CHL1: variants seen among roughly 807,000 people sequenced by gnomAD.
CHL1 encodes the protein cell adhesion molecule L1 like.
A neutral mutation model predicts 141.9 loss-of-function variants in CHL1; 96 were observed. That is an observed-to-expected ratio of 0.68 (90% CI 0.57 to 0.80). CHL1 has a LOEUF of 0.80. Ranked by LOEUF, CHL1 falls within the 30% of genes least tolerant of loss-of-function variation. The probability of loss-of-function intolerance (pLI) is 0.00; values close to 1 mark genes in which losing one functional copy is unlikely to be tolerated. For synonymous variants in CHL1, 613 were observed against 502.2 expected (o/e 1.22, Z -2.95); for missense variants, 1,820 against 1,457.2 (o/e 1.25, Z -4.05).
chr3:402,042 A>AACC (rs1559364702), intron 27 of CHL1, among the ~76,000 whole-genome samples: 24 of 152,360 alleles, frequency 1.6e-4, no homozygotes, highest in African/African-American at 3.4e-4. Flanking sequence ...CCACACACGC[A>AACC]TATCTGTATA....
At chr3:269,674 C>T (rs1053717961) in intron 2 of CHL1, among the ~76,000 whole-genome samples, 24 of 152,264 alleles carry the variant, frequency 1.6e-4, no homozygotes, top group African/African-American at 4.6e-4. Context: ...TACAGGCATG[C>T]GCCACTATGC....
chr3:294,000 G>A (rs771284837), intron 2 of CHL1, among the ~76,000 whole-genome samples: 1 of 151,910 alleles, frequency 6.6e-6, no homozygotes, highest in South Asian at 2.1e-4. Context: ...GACTTCAGGT[G>A]ACCCATCCAC....
intron 23 of CHL1, among the ~76,000 whole-genome samples, chr3:393,086 A>G (rs1180731954): frequency 2.0e-5 from 3 of 152,008 alleles, no homozygotes; most frequent in African/African-American, 7.2e-5. Flanking sequence ...ACAAAAAATT[A>G]TCCAGGCGTG....
At chr3:286,182 A>C (rs1697123245) in intron 2 of CHL1, among the ~76,000 whole-genome samples, 1 of 152,168 alleles carries the variant, frequency 6.6e-6, no homozygotes, top group African/African-American at 2.4e-5. Context: ...TGTCTCCTGC[A>C]AGGCACTTAT....
chr3:339,528 T>C (rs1346432783), intron 5 of CHL1, among the ~76,000 whole-genome samples: 1 of 152,204 alleles, frequency 6.6e-6, no homozygotes, highest in Non-Finnish European at 1.5e-5. Context: ...GACTGTCACA[T>C]GGCTGAATGT....
At chr3:222,264 T>G (rs1298337001) in intron 1 of CHL1, among the ~76,000 whole-genome samples, 1 of 152,198 alleles carries the variant, frequency 6.6e-6, no homozygotes, top group Non-Finnish European at 1.5e-5. Flanking sequence ...GGGGAGAATC[T>G]GTTTACTTGC....
At chr3:308,655 A>G (rs1159953882) in intron 2 of CHL1, 1 of 150,516 alleles carries the variant, frequency 6.6e-6, no homozygotes, top group African/African-American at 2.4e-5. Context: ...ATTATATAAT[A>G]TATATACTAG....
At chr3:224,054 T>G (rs985276373) in intron 1 of CHL1, among the ~76,000 whole-genome samples, 3 of 152,192 alleles carry the variant, frequency 2.0e-5, no homozygotes, top group African/African-American at 7.2e-5. Context: ...TTACAAATCT[T>G]GTAACCTCTG....
At chr3:256,253 G>A (rs577022394) in intron 2 of CHL1, among the ~76,000 whole-genome samples, 2 of 151,422 alleles carry the variant, frequency 1.3e-5, no homozygotes, top group East Asian at 3.9e-4. Context: ...CTGTATTCTG[G>A]CACTTCATGA....
chr3:301,335 G>A (rs1359859004), intron 2 of CHL1, among the ~76,000 whole-genome samples: 2 of 152,144 alleles, frequency 1.3e-5, no homozygotes, highest in Admixed American at 1.3e-4. Context: ...GAGTAAATTA[G>A]AAGTTCTGGC....
chr3:314,329 G>GTATATATATATATATATATA (rs56292297), intron 2 of CHL1, among the ~76,000 whole-genome samples: 24 of 65,334 alleles, frequency 3.7e-4, no homozygotes, highest in South Asian at 8.1e-4. Flanking sequence ...CTCTCTATGT[G>GTATATATATATATATATATA]TATATATATA....
intron 1 of CHL1, chr3:213,675 G>A (rs973849725): frequency 2.0e-5 from 3 of 152,184 alleles, no homozygotes; most frequent in Non-Finnish European, 4.4e-5. Context: ...GATTAGAATA[G>A]AGAAAGATTA....
intron 5 of CHL1, among the ~76,000 whole-genome samples, chr3:340,463 T>C (rs1054756544): frequency 6.6e-6 from 1 of 152,190 alleles, no homozygotes; most frequent in African/African-American, 2.4e-5. Context: ...TTCACATCTA[T>C]CAAAGCTAAA....
intron 14 of CHL1, 185 bp downstream of exon 14, chr3:363,568 A>C: frequency 1.8e-6 from 1 of 555,954 alleles, no homozygotes; most frequent in Non-Finnish European, 3.2e-6. Flanking sequence ...TATGCCCATG[A>C]TATGTGCACA....
intron 2 of CHL1, among the ~76,000 whole-genome samples, chr3:256,030 A>G (rs1024243532): frequency 2.6e-5 from 4 of 152,220 alleles, no homozygotes; most frequent in Admixed American, 1.3e-4. Context: ...CCCAAAGAAT[A>G]GTGAGTTACC....
rs76351421 is a variant in CHL1 at position 401,886 on chromosome 3, G to C, written c.3458+188G>C. 7.2e-3 allele frequency among the ~76,000 whole-genome samples: 1,093 copies of C among 152,294 alleles called. 21 individuals carry two copies. The highest frequency in any genetic ancestry group is 0.025 in the African/African-American group (1,028 of 41,552). ...CCAAATTTCTGTGTGTGTGATGAGG[G>C]TGTATAAATAATTACCGTCTAGGCA... On this transcript the variant is annotated intron_variant, in intron 27 of 27. Coordinates refer to ENST00000256509, the MANE Select transcript of CHL1 (RefSeq NM_006614.4).
At chr3:215,207 A>G (rs1360011047) in intron 1 of CHL1, among the ~76,000 whole-genome samples, 1 of 152,200 alleles carries the variant, frequency 6.6e-6, no homozygotes, top group Middle Eastern at 3.2e-3. Context: ...TGGTGTATAT[A>G]TACACAATTG....
chr3:379,058 G>A lies in CHL1; in HGVS notation c.1876+1116G>A, dbSNP rs138562744. ...TTTTGCCTACCCTTCTTTATCATAT[G>A]TCTACATTAATCACTGTTATCAACA... On this transcript the variant is annotated intron_variant, in intron 16 of 27. Coordinates refer to ENST00000256509, the MANE Select transcript of CHL1 (RefSeq NM_006614.4). Among the ~76,000 whole-genome samples, 766 of 152,122 alleles carry A rather than the reference G, an allele frequency of 5.0e-3. 3 individuals carry two copies. Among genetic ancestry groups the A allele is most frequent in the African/African-American group, 0.018 (728 of 41,496 alleles).
Position 319,722 on chromosome 3 carries a change from G to A in CHL1, c.-55G>A. The A allele has an allele frequency of 8.6e-7, 1 of 1,168,352 alleles. No individual in the cohort carries two copies. Among genetic ancestry groups the A allele is most frequent in the Non-Finnish European group, 1.3e-6 (1 of 788,282 alleles). The allele number at this position is 1,168,352 out of a possible 1,614,324, so 72.4% of individuals were successfully genotyped here. ...AAGGTCTCAGCTGTAAACCAAAAGT[G>A]AGAGGAGACATTAAGATTTTCATTC... On this transcript the variant is annotated 5_prime_UTR_variant, in exon 3 of 28. Coordinates refer to ENST00000256509, the MANE Select transcript of CHL1 (RefSeq NM_006614.4).
Sources: gnomAD v4.1 joint callset for allele counts (sites outside exome capture counted in the v4.1 genomes callset) on GRCh38, gnomAD v4.1.1 for gene constraint, MANE v1.5 for transcripts, NCBI Gene and HGNC (gene_info 2026-07-23, HGNC 2026-07-21) for gene names.